Variants in BMERB1 observed in about 807,000 individuals in gnomAD.
BMERB1 encodes the protein bMERB domain containing 1, also known as bMERB domain-containing protein 1.
A neutral mutation model predicts 23.6 loss-of-function variants in BMERB1; 12 were observed. That is an observed-to-expected ratio of 0.51 (90% CI 0.33 to 0.82). BMERB1 has a LOEUF of 0.82. Ranked by LOEUF, BMERB1 falls within the 40% of genes least tolerant of loss-of-function variation. The pLI, the probability that BMERB1 is intolerant of heterozygous loss-of-function variation, is 0.03. For synonymous variants in BMERB1, 122 were observed against 96.6 expected, an observed-to-expected ratio of 1.26 and a Z score of -1.54; for missense variants, 247 against 255.4, an observed-to-expected ratio of 0.97 and a Z score of 0.22.
chr16:15,496,229 G>T (rs1262686589), intron 1 of BMERB1, among the ~76,000 whole-genome samples: 1 of 152,104 alleles, frequency 6.6e-6, no homozygotes, highest in Non-Finnish European at 1.5e-5. Flanking sequence ...TAAAGATAAT[G>T]GTGATAGTGG....
chr16:15,581,792 T>G (rs542445807), intron 4 of BMERB1, among the ~76,000 whole-genome samples: 1 of 152,334 alleles, frequency 6.6e-6, no homozygotes, highest in African/African-American at 2.4e-5. Context: ...GTCTTCTCTT[T>G]GCATCTGCTG....
At chr16:15,437,719 G>A (rs1232185315) in intron 1 of BMERB1, among the ~76,000 whole-genome samples, 4 of 152,136 alleles carry the variant, frequency 2.6e-5, no homozygotes, top group Admixed American at 6.6e-5. Flanking sequence ...AGCACTTTGG[G>A]AGGCCGAGGC....
intron 2 of BMERB1, among the ~76,000 whole-genome samples, chr16:15,529,912 T>G (rs980803273): frequency 2.2e-4 from 34 of 152,226 alleles, no homozygotes; most frequent in African/African-American, 7.2e-4. Context: ...ACATTTCTTT[T>G]ATCTTACAGT....
chr16:15,583,904 T>A, intron 5 of BMERB1: 1 of 667,534 alleles, frequency 1.5e-6, no homozygotes, highest in South Asian at 1.6e-5. Flanking sequence ...GCAAACTACG[T>A]ACCTGGTCCT....
At chr16:15,460,788 AGT>A (rs1290656851) in intron 1 of BMERB1, among the ~76,000 whole-genome samples, 4 of 152,164 alleles carry the variant, frequency 2.6e-5, no homozygotes, top group Non-Finnish European at 5.9e-5. Flanking sequence ...AGACAGACAC[AGT>A]AACAGATCAT....
intron 2 of BMERB1, among the ~76,000 whole-genome samples, chr16:15,551,659 C>G (rs2030095230): frequency 6.6e-6 from 1 of 151,916 alleles, no homozygotes; most frequent in African/African-American, 2.4e-5. Context: ...GGGCTGTGTA[C>G]CAGTCTGTTC....
At chr16:15,505,741 A>C (rs1175752337) in intron 1 of BMERB1, among the ~76,000 whole-genome samples, 1 of 151,974 alleles carries the variant, frequency 6.6e-6, no homozygotes, top group Non-Finnish European at 1.5e-5. Context: ...ACAAAAAATT[A>C]GGCTGGTGTG....
At chr16:15,440,288 C>T (rs949802578) in intron 1 of BMERB1, among the ~76,000 whole-genome samples, 3 of 144,950 alleles carry the variant, frequency 2.1e-5, no homozygotes, top group African/African-American at 7.6e-5. Context: ...AGACATAGTG[C>T]TGGAAATAAA....
Position 15,434,678 on chromosome 16 carries a change from A to G in BMERB1, c.25A>G (p.Thr9Ala), listed in dbSNP as rs2050871374. MELKQSLS[T>A]HLEAEKPLRR... is the part of the protein sequence containing the mutation. ...GATGGAATTAAAGCAATCTTTGTCCACCCATCTGGAAGCCGAGAAGCCTCT... is the reference window on the plus strand; with the variant it reads ...GATGGAATTAAAGCAATCTTTGTCCGCCCATCTGGAAGCCGAGAAGCCTCT... The change falls in exon 1 of 6, where the codon ACC becomes GCC. Residue 9 changes from threonine to alanine, a missense_variant. Coordinates refer to ENST00000300006, the MANE Select transcript of BMERB1 (RefSeq NM_033201.3). The G allele has an allele frequency of 6.3e-7, 1 of 1,593,084 alleles. No homozygotes were observed. Among genetic ancestry groups the G allele is most frequent in the East Asian group, 2.3e-5 (1 of 43,096 alleles).
intron 2 of BMERB1, among the ~76,000 whole-genome samples, chr16:15,530,832 A>G (rs1290586620): frequency 2.6e-5 from 4 of 151,762 alleles, no homozygotes; most frequent in Non-Finnish European, 5.9e-5. Context: ...ACCTTCTGCC[A>G]TGATTGTAAG....
At chr16:15,494,222 A>G (rs1047917381) in intron 1 of BMERB1, among the ~76,000 whole-genome samples, 9 of 152,150 alleles carry the variant, frequency 5.9e-5, no homozygotes, top group African/African-American at 1.4e-4. Context: ...AATTGTTGTT[A>G]TTATAGGTTT....
chr16:15,554,816 G>A lies in BMERB1; in HGVS notation c.231-13167G>A, dbSNP rs112808219. On this transcript the variant is annotated intron_variant, in intron 2 of 5. Coordinates refer to ENST00000300006, the MANE Select transcript of BMERB1 (RefSeq NM_033201.3). ...CAAGTAGCTGGGACTACAGGTGCCCGCCACCACGCCCGGCTGATTTTTTGT... is the reference window on the plus strand; with the variant it reads ...CAAGTAGCTGGGACTACAGGTGCCCACCACCACGCCCGGCTGATTTTTTGT... Among the ~76,000 whole-genome samples the A allele has an allele frequency of 7.7e-3, 1,162 of 151,842 alleles. 19 individuals carry two copies. Among genetic ancestry groups the A allele is most frequent in the African/African-American group, 0.026 (1,088 of 41,402 alleles).
chr16:15,581,858 G>T lies in BMERB1; in HGVS notation c.419+527G>T, dbSNP rs989565380. Among the ~76,000 whole-genome samples the T allele has an allele frequency of 2.0e-5, 3 of 152,192 alleles. No homozygotes were observed. In the South Asian group the frequency reaches 6.2e-4, roughly 32 times the overall value. On this transcript the variant is annotated intron_variant, in intron 4 of 5. Transcript: ENST00000300006. Reference sequence around the variant, plus strand: ...TGCAGTGTAAAAACATGTTGTAAATGTTGAAAATGTGGAAAGCTGTACATG... The same window carrying T: ...TGCAGTGTAAAAACATGTTGTAAATTTTGAAAATGTGGAAAGCTGTACATG...
chr16:15,537,515 G>A (rs1329784192), intron 2 of BMERB1, among the ~76,000 whole-genome samples: 1 of 151,776 alleles, frequency 6.6e-6, no homozygotes, highest in Non-Finnish European at 1.5e-5. Context: ...CACCATGCCT[G>A]GCTAATTTTT....
At chr16:15,500,383 C>G (rs567935800) in intron 1 of BMERB1, among the ~76,000 whole-genome samples, 36 of 152,294 alleles carry the variant, frequency 2.4e-4, no homozygotes, top group Admixed American at 1.3e-3. Flanking sequence ...CGTGCTGAGG[C>G]CCTGACCAAA....
At chr16:15,529,752 A>C (rs1460219635) in intron 2 of BMERB1, among the ~76,000 whole-genome samples, 1 of 152,070 alleles carries the variant, frequency 6.6e-6, no homozygotes, top group Non-Finnish European at 1.5e-5. Context: ...TCCATGTGGC[A>C]GGTCTGGGTG....
chr16:15,508,756 G>T (rs1298211579), intron 1 of BMERB1, among the ~76,000 whole-genome samples: 2 of 149,908 alleles, frequency 1.3e-5, no homozygotes, highest in Non-Finnish European at 3.0e-5. Context: ...AGCCCGGGAG[G>T]TTGAGGCTGC....
chr16:15,474,457 T>G (rs1339184281), intron 1 of BMERB1, among the ~76,000 whole-genome samples: 1 of 152,126 alleles, frequency 6.6e-6, no homozygotes, highest in African/African-American at 2.4e-5. Context: ...CTCAACCTCC[T>G]GGGCTCAAGT....
At chr16:15,508,122 TC>T (rs2051614694) in intron 1 of BMERB1, among the ~76,000 whole-genome samples, 1 of 152,126 alleles carries the variant, frequency 6.6e-6, no homozygotes, top group South Asian at 2.1e-4. Context: ...AGCCTCGACT[TC>T]CCCATCTATG....
Sources: gnomAD v4.1 joint callset for allele counts (sites outside exome capture counted in the v4.1 genomes callset) on GRCh38, gnomAD v4.1.1 for gene constraint, MANE v1.5 for transcripts, NCBI Gene and HGNC (gene_info 2026-07-23, HGNC 2026-07-21) for gene names.